Variants in CEP164 observed in about 807,000 individuals in gnomAD.
CEP164 encodes centrosomal protein of 164 kDa.
A neutral mutation model predicts 182.7 loss-of-function variants in CEP164; 162 were observed. That is an observed-to-expected ratio of 0.89 (90% confidence interval 0.78 to 1.01). The LOEUF (loss-of-function observed/expected upper bound fraction) is 1.01. Among genes scored for constraint, CEP164 ranks in the 50% least tolerant of loss-of-function variants. CEP164 has a pLI of 0.00. For synonymous variants in CEP164, 661 were observed against 690.0 expected (o/e 0.96, Z 0.66); for missense variants, 1,735 against 1,790.4 (o/e 0.97, Z 0.56).
chr11:117,375,896 A>G (rs2042692538), intron 11 of CEP164, 105 bp downstream of exon 11: 5 of 935,736 alleles, frequency 5.3e-6, no homozygotes, highest in Non-Finnish European at 5.2e-6. Context: ...GCATTTCTGT[A>G]AGTCCTCTCC....
chr11:117,354,667 C>T (rs2040097517), intron 5 of CEP164, among the ~76,000 whole-genome samples: 1 of 151,942 alleles, frequency 6.6e-6, no homozygotes, highest in African/African-American at 2.4e-5. Context: ...ATATTTTCAG[C>T]CCAAGGGAGT....
At chr11:117,391,274 G>T in intron 17 of CEP164, 59 bp downstream of exon 17, 1 of 1,497,568 alleles carries the variant, frequency 6.7e-7, no homozygotes, top group South Asian at 1.2e-5. Context: ...CCTGGGGAGG[G>T]ACTGAGTGCA....
intron 9 of CEP164, 98 bp downstream of exon 9, chr11:117,371,564 T>G: frequency 1.4e-6 from 2 of 1,426,600 alleles, no homozygotes; most frequent in Non-Finnish European, 1.9e-6. Context: ...TATTACTGAG[T>G]CAGGAGCTTC....
chr11:117,379,660 G>A (rs960077501), intron 11 of CEP164, among the ~76,000 whole-genome samples: 1 of 152,116 alleles, frequency 6.6e-6, no homozygotes, highest in Non-Finnish European at 1.5e-5. Flanking sequence ...AGCCCTGTGA[G>A]TTGCAGTTTG....
chr11:117,355,490 A>G, intron 5 of CEP164: 1 of 1,289,464 alleles, frequency 7.8e-7, no homozygotes, highest in South Asian at 1.2e-5. Context: ...CAGCTTAGCC[A>G]AACTGAGCCC....
chr11:117,363,213 C>A (rs1440380690), intron 7 of CEP164, among the ~76,000 whole-genome samples: 1 of 152,186 alleles, frequency 6.6e-6, no homozygotes, highest in Non-Finnish European at 1.5e-5. Flanking sequence ...CAGCAGAAAG[C>A]ACCTTGGCCA....
rs756128000 is a variant in CEP164, at chr11:117,355,585, C to T, written c.393+3597C>T. The stretch of plus-strand genomic sequence containing the variant: ...AGCCCTCCCTGTCCTCTTGTTCTTC[C>T]GGCCACATGTTGCCTGCCAGGAAGA... On this transcript the variant is annotated intron_variant, in intron 5 of 32. Transcript: ENST00000278935. 17 of 1,211,130 alleles carry T rather than the reference C, an allele frequency of 1.4e-5. No individual in the cohort carries two copies. In the African/African-American group the frequency reaches 1.6e-4, roughly 11 times the overall value. 75.0% of individuals were successfully genotyped at this position (1,211,130 alleles called of 1,614,324 possible).
chr11:117,322,996 G>A (rs2035308546), upstream of CEP164, among the ~76,000 whole-genome samples: 1 of 151,836 alleles, frequency 6.6e-6, no homozygotes, highest in Non-Finnish European at 1.5e-5. Flanking sequence ...GAACTCCTGA[G>A]CTCAGGCAAT....
intron 25 of CEP164, 145 bp downstream of exon 25, chr11:117,396,325 C>A: frequency 3.1e-6 from 3 of 975,738 alleles, no homozygotes; most frequent in Non-Finnish European, 4.6e-6. Flanking sequence ...TAAGGTGGGC[C>A]AAGGCATCAG....
rs572769163 is a variant in CEP164, at chr11:117,394,129, G to T, written c.2617-221G>T. ...AGAGCCAGAAAGGGAATCTGTCGTG[G>T]TGTCTGACCAGCCTCTGCTTCAGCT... is the stretch of plus-strand genomic sequence containing the variant. On this transcript the variant is annotated intron_variant, in intron 20 of 32. Transcript: ENST00000278935. This position sits in a 1 kb window ranked among gnomAD's most constrained non-coding sequence, Gnocchi z 4.0. Among the ~76,000 whole-genome samples, 2 of 152,374 alleles carry T rather than the reference G, an allele frequency of 1.3e-5. No individual in the cohort carries two copies. The highest frequency in any genetic ancestry group is 3.9e-4 in the East Asian group (2 of 5,188).
At chr11:117,390,684 A>G (rs1166651552) in intron 15 of CEP164, 93 bp from the exon 16 acceptor site, 11 of 1,472,346 alleles carry the variant, frequency 7.5e-6, no homozygotes, top group Middle Eastern at 2.1e-4. Flanking sequence ...TAGGCAGGCA[A>G]CAGGGCTATT....
chr11:117,354,820 G>C (rs1286096151), intron 5 of CEP164: 2 of 372,678 alleles, frequency 5.4e-6, no homozygotes, highest in African/African-American at 4.2e-5. Context: ...TAAGTTTTAG[G>C]GTTTAAATAG....
rs997835172 is a variant in CEP164, at chr11:117,381,859, C to T, written c.1568C>T (p.Ser523Phe). The change falls in exon 13 of 33, where the codon TCC becomes TTC. Residue 523 changes from serine (S) to phenylalanine (F), a missense_variant. By Grantham distance (155) the Ser-to-Phe change is radical (BLOSUM62 -2). Coordinates refer to ENST00000278935, the MANE Select transcript of CEP164 (RefSeq NM_014956.5). ...GCAGCCAGCCTCAGCCTGCAGCTGT[C>T]CCTCCAGAGGTAAGGATGAGGGGAA... ...DSAASLSLQL[S>F]LQREQAPSPP... 1 of 1,511,564 alleles carries T rather than the reference C, an allele frequency of 6.6e-7. No homozygotes were observed. Among genetic ancestry groups the T allele is most frequent in the South Asian group, 1.3e-5 (1 of 76,832 alleles). The allele number at this position is 1,511,564 out of a possible 1,614,324, so 93.6% of individuals were successfully genotyped here.
Position 117,385,406 on chromosome 11 carries a change from A to C in CEP164, c.1725-1797A>C, listed in dbSNP as rs2043833790. ...TAGCAGTTTGGGCTACTAGACCTTT[A>C]AAACAGTGCGAGGGAGAAGAGGTCC... On this transcript the variant is annotated intron_variant, in intron 14 of 32. Coordinates refer to ENST00000278935, the MANE Select transcript of CEP164 (RefSeq NM_014956.5). The C allele has an allele frequency of 2.6e-5, 4 of 152,324 alleles. No homozygotes were observed. The South Asian group carries it at 8.3e-4, about 32-fold the overall frequency. 9.4% of individuals were successfully genotyped at this position (152,324 alleles called of 1,614,324 possible).
chr11:117,373,838 T>G lies in CEP164; in HGVS notation c.1233+7T>G, dbSNP rs770033715. ...CAAGTCCTTCCATGGCCTGGTGAGT[T>G]TGAGATGAGGGCAGTAGAGTGGTGG... On this transcript the variant is annotated splice_region_variant and intron_variant, in intron 10 of 32. Coordinates refer to ENST00000278935, the MANE Select transcript of CEP164 (RefSeq NM_014956.5). The G allele has an allele frequency of 2.5e-6, 4 of 1,612,698 alleles. No homozygotes were observed. Among genetic ancestry groups the G allele is most frequent in the Non-Finnish European group, 3.4e-6 (4 of 1,178,852 alleles).
Position 117,344,301 on chromosome 11 carries a change from A to G in CEP164, c.194+24A>G, listed in dbSNP as rs114453778. ...TGGTAAGTCAGCAGGGGGTGCGGCC[A>G]CTGACTTGGCCTAGCAGAGGCAGAG... On this transcript the variant is annotated intron_variant, in intron 4 of 32. Coordinates refer to ENST00000278935, the MANE Select transcript of CEP164 (RefSeq NM_014956.5). 2,094 of 1,537,782 alleles carry G rather than the reference A, an allele frequency of 1.4e-3. 27 individuals are homozygous for G. In the African/African-American group the frequency reaches 0.026, roughly 19 times the overall value.
intron 15 of CEP164, among the ~76,000 whole-genome samples, chr11:117,388,119 T>C (rs1400405843): frequency 6.6e-6 from 1 of 152,228 alleles, no homozygotes; most frequent in East Asian, 1.9e-4. Context: ...CCAAGCAGGA[T>C]GTGACTCACC....
At chr11:117,401,717 G>A (rs1428556778) in intron 27 of CEP164, among the ~76,000 whole-genome samples, 2 of 152,136 alleles carry the variant, frequency 1.3e-5, no homozygotes, top group East Asian at 3.8e-4. Flanking sequence ...GGGTATATGT[G>A]TCCAGGAATT....
chr11:117,375,680 T>A (rs1377071570), intron 10 of CEP164, 28 bp from the exon 11 acceptor site: 2 of 1,605,798 alleles, frequency 1.2e-6, no homozygotes, highest in South Asian at 2.2e-5. Flanking sequence ...AGAGGCAGAG[T>A]TGACCTTTGC....
Sources: allele counts gnomAD v4.1 joint callset (sites outside exome capture counted in the v4.1 genomes callset), GRCh38; gene constraint gnomAD v4.1.1; non-coding constraint Gnocchi (gnomAD v3.1); transcripts MANE v1.5; gene names NCBI Gene and HGNC (gene_info 2026-07-23, HGNC 2026-07-21).